INSR: variants seen among roughly 807,000 people sequenced by gnomAD.
INSR encodes insulin receptor.
A neutral mutation model predicts 142.6 loss-of-function variants in INSR; 67 were observed. That is an observed-to-expected ratio of 0.47 (90% confidence interval 0.39 to 0.58). INSR has a LOEUF of 0.58. Ranked by LOEUF, INSR falls within the 20% of genes least tolerant of loss-of-function variation. The pLI is 0.00. For missense variants in INSR, 1,248 were observed against 1,833.2 expected (o/e 0.68, Z 5.83); for synonymous variants, 756 against 743.1 (o/e 1.02, Z -0.28).
At chr19:7,271,555 A>T (rs976969814) in intron 1 of INSR, among the ~76,000 whole-genome samples, 3 of 152,136 alleles carry the variant, frequency 2.0e-5, no homozygotes, top group Non-Finnish European at 4.4e-5. Context: ...GGGATGTAAA[A>T]CAGTGCAGCC....
chr19:7,261,623 C>T (rs1295759340), intron 2 of INSR, among the ~76,000 whole-genome samples: 4 of 152,040 alleles, frequency 2.6e-5, no homozygotes, highest in Non-Finnish European at 5.9e-5. Context: ...CTCTGCCTCT[C>T]GGGTTCGAGT....
chr19:7,271,951 A>C (rs1305792950), intron 1 of INSR, among the ~76,000 whole-genome samples: 1 of 151,690 alleles, frequency 6.6e-6, no homozygotes, highest in Non-Finnish European at 1.5e-5. Context: ...TCAGGACTGC[A>C]GTGATCTGTG....
intron 1 of INSR, among the ~76,000 whole-genome samples, chr19:7,281,977 C>T (rs1484301542): frequency 2.6e-5 from 4 of 152,130 alleles, no homozygotes; most frequent in African/African-American, 4.8e-5. Context: ...CCCACAAGTC[C>T]GCTTTGAACT....
intron 16 of INSR, 149 bp downstream of exon 16, chr19:7,126,435 C>A (rs780684087): frequency 7.6e-5 from 56 of 735,856 alleles, no homozygotes; most frequent in Middle Eastern, 3.6e-4. Flanking sequence ...GAGGTTTCTG[C>A]AGCAAGGGCA....
At chr19:7,213,490 G>GAA (rs1433651470) in intron 2 of INSR, among the ~76,000 whole-genome samples, 5 of 152,090 alleles carry the variant, frequency 3.3e-5, no homozygotes, top group Non-Finnish European at 5.9e-5. Flanking sequence ...CTCTCTTGCA[G>GAA]GTCCTTTATT....
rs865831465 is a variant in INSR at position 7,197,577 on chromosome 19, G to T, written c.653-12940C>A. 7.9e-4 allele frequency among the ~76,000 whole-genome samples: 44 copies of T among 55,988 alleles called. 1 individual carries two copies. The highest frequency in any genetic ancestry group is 2.5e-3 in the Admixed American group (15 of 5,944). The allele number at this position is 55,988 out of a possible 152,430, so 36.7% of individuals were successfully genotyped here. A position where few individuals can be genotyped will look rare whatever the true frequency, so the allele number is the denominator to read the frequency against. ...TCCAGAGTGGGAGTGTGTGTGTTTG[G>T]GTGTGTGTGTGTGTGTGTGTGTCAG... On this transcript the variant is annotated intron_variant, in intron 2 of 21. Transcript: ENST00000302850.
In INSR at chr19:7,116,203, T is replaced by C. The variant is rs886054677; in HGVS notation, c.*853A>G. ...CACTCCAAATGAAATGCTCCTCCCT[T>C]GGCCACCAATGTGAAGGGAGGGTAG... On this transcript the variant is annotated 3_prime_UTR_variant, in exon 22 of 22. Coordinates refer to ENST00000302850, the MANE Select transcript of INSR (RefSeq NM_000208.4). 2 of 151,160 alleles carry C rather than the reference T, an allele frequency of 1.3e-5. No homozygotes were observed. Among genetic ancestry groups the C allele is most frequent in the Non-Finnish European group, 2.9e-5 (2 of 67,850 alleles). The allele number at this position is 151,160 out of a possible 1,614,324, so 9.4% of individuals were successfully genotyped here.
intron 2 of INSR, among the ~76,000 whole-genome samples, chr19:7,201,761 C>A (rs2145047926): frequency 6.9e-6 from 1 of 144,730 alleles, no homozygotes; most frequent in East Asian, 2.0e-4. Flanking sequence ...CTCCCGGGTT[C>A]ACGCCATTCC....
At chr19:7,121,587 C>T (rs1458963387) in intron 19 of INSR, among the ~76,000 whole-genome samples, 1 of 152,130 alleles carries the variant, frequency 6.6e-6, no homozygotes, top group African/African-American at 2.4e-5. Flanking sequence ...CCACCCCAGC[C>T]TCCTGAGTAG....
chr19:7,193,851 G>T (rs1465717996), intron 2 of INSR, among the ~76,000 whole-genome samples: 1 of 151,692 alleles, frequency 6.6e-6, no homozygotes, highest in Admixed American at 6.6e-5. Flanking sequence ...CACCATGCTT[G>T]GCTAATTTTT....
intron 5 of INSR, among the ~76,000 whole-genome samples, chr19:7,172,037 A>C (rs1020188288): frequency 6.6e-6 from 1 of 150,432 alleles, no homozygotes; most frequent in African/African-American, 2.5e-5. Flanking sequence ...TCAGCCTCCC[A>C]AGTAGCTGGG....
At chr19:7,121,181 T>C (rs12460809) in intron 19 of INSR, among the ~76,000 whole-genome samples, 67,051 of 151,548 alleles carry the variant, frequency 0.44, 15,482 homozygotes, top group Admixed American at 0.55. Flanking sequence ...GTATTTTGAG[T>C]AGAGACAGGG....
At chr19:7,137,445 C>T (rs541222394) in intron 13 of INSR, among the ~76,000 whole-genome samples, 174 of 152,010 alleles carry the variant, frequency 1.1e-3, no homozygotes, top group African/African-American at 4.0e-3. Context: ...CTACAACCAC[C>T]GGTGGACAAC....
At chr19:7,248,764 T>TTTTTG (rs1976612504) in intron 2 of INSR, among the ~76,000 whole-genome samples, 1 of 136,224 alleles carries the variant, frequency 7.3e-6, no homozygotes, top group Admixed American at 7.3e-5. Flanking sequence ...ATTTTTTTTT[T>TTTTTG]TTTTTTTTTT....
At chr19:7,293,103 T>C (rs1235968079) in intron 1 of INSR, among the ~76,000 whole-genome samples, 4 of 152,070 alleles carry the variant, frequency 2.6e-5, no homozygotes, top group African/African-American at 9.7e-5. Flanking sequence ...AGAGATAAGA[T>C]AGACTAGGCT....
In INSR at chr19:7,150,908, C is replaced by T. The variant is rs751275564; in HGVS notation, c.2232-376G>A. On this transcript the variant is annotated intron_variant, in intron 10 of 21. Transcript: ENST00000302850. This position sits in a 1 kb window ranked among gnomAD's most constrained non-coding sequence, Gnocchi z 4.2. ...TCTTTCTGGTTTCTTTCCTCTTTCT[C>T]CTTTTCTTTTCTCTTTCTCTTTTCT... Among the ~76,000 whole-genome samples, 12 of 151,928 alleles carry T rather than the reference C, an allele frequency of 7.9e-5. No individual in the cohort carries two copies. The highest frequency in any genetic ancestry group is 1.3e-4 in the Non-Finnish European group (9 of 67,966).
rs570978385 is a variant in INSR at position 7,279,515 on chromosome 19, G to A, written c.101-11619C>T. On this transcript the variant is annotated intron_variant, in intron 1 of 21. Coordinates refer to ENST00000302850, the MANE Select transcript of INSR (RefSeq NM_000208.4). ...ATTCGAGATAGGAACAGTTTAGAGT[G>A]GCAAGAACAACAGGCTGAGTTGGCA... Among the ~76,000 whole-genome samples, 10 of 150,032 alleles carry A rather than the reference G, an allele frequency of 6.7e-5. No individual in the cohort carries two copies. In the South Asian group the frequency reaches 1.9e-3, roughly 29 times the overall value.
At chr19:7,140,632 C>T (rs1973045459) in intron 13 of INSR, among the ~76,000 whole-genome samples, 1 of 152,144 alleles carries the variant, frequency 6.6e-6, no homozygotes, top group South Asian at 2.1e-4. Context: ...ATTGTACTTC[C>T]TCAGTCCCAA....
intron 2 of INSR, among the ~76,000 whole-genome samples, chr19:7,231,814 G>A (rs1244067698): frequency 6.9e-6 from 1 of 145,168 alleles, no homozygotes; most frequent in Admixed American, 7.0e-5. Flanking sequence ...GTCTCACTAT[G>A]TTGCCCAGGC....
Sources: gnomAD v4.1 joint callset for allele counts (sites outside exome capture counted in the v4.1 genomes callset) on GRCh38, gnomAD v4.1.1 for gene constraint, Gnocchi (gnomAD v3.1) non-coding constraint, MANE v1.5 for transcripts, NCBI Gene and HGNC (gene_info 2026-07-23, HGNC 2026-07-21) for gene names.